WNT5B: variants seen among roughly 807,000 people sequenced by gnomAD.
WNT5B encodes the protein Wnt family member 5B.
A neutral mutation model predicts 36.5 loss-of-function variants in WNT5B; 18 were observed. That is an observed-to-expected ratio of 0.49 (90% CI 0.34 to 0.73). The LOEUF (loss-of-function observed/expected upper bound fraction) is 0.73, where lower values mean the gene tolerates loss of function less well. Ranked by LOEUF, WNT5B falls within the 30% of genes least tolerant of loss-of-function variation. The pLI, the probability that WNT5B is intolerant of heterozygous loss-of-function variation, is 0.01. For missense variants in WNT5B, 424 were observed against 508.4 expected (o/e 0.83, Z 1.60); for synonymous variants, 213 against 212.3 (o/e 1.00, Z -0.03).
intron 4 of WNT5B, among the ~76,000 whole-genome samples, chr12:1,640,866 G>A (rs906584832): frequency 6.6e-6 from 1 of 152,232 alleles, no homozygotes; most frequent in Non-Finnish European, 1.5e-5. Flanking sequence ...TGCATAGCCA[G>A]TGTTGACAGG....
At position 1,634,329 on chromosome 12, in the gene WNT5B, G is replaced by A. The variant is rs145075035; in HGVS notation, c.328+1424G>A. On this transcript the variant is annotated intron_variant, in intron 3 of 4. Coordinates refer to ENST00000397196, the MANE Select transcript of WNT5B (RefSeq NM_032642.3). ...GCGTTTTGGGCAATGAAACTAGGAC[G>A]GCCCAGGTGCAGAGTCTCCTCTAAT... is the stretch of plus-strand genomic sequence containing the variant. 1.3e-3 allele frequency among the ~76,000 whole-genome samples: 194 copies of A among 152,294 alleles called. 1 individual carries two copies. Among genetic ancestry groups the A allele is most frequent in the African/African-American group, 4.5e-3 (186 of 41,552 alleles).
At chr12:1,638,620 G>A (rs1301137927) in intron 3 of WNT5B, among the ~76,000 whole-genome samples, 1 of 152,164 alleles carries the variant, frequency 6.6e-6, no homozygotes, top group Non-Finnish European at 1.5e-5. Context: ...TGAATGTTGA[G>A]GTGGTTCACC....
In WNT5B at chr12:1,618,843, C is replaced by T. The variant is rs2154439183; in HGVS notation, c.-58+1700C>T. Among the ~76,000 whole-genome samples, 1 of 152,250 alleles carries T rather than the reference C, an allele frequency of 6.6e-6. No homozygotes were observed. Among genetic ancestry groups the T allele is most frequent in the Non-Finnish European group, 1.5e-5 (1 of 68,016 alleles). On this transcript the variant is annotated intron_variant, in intron 1 of 4. Coordinates refer to the WNT5B transcript ENST00000310594. The surrounding 1 kb of genome is among the most constrained non-coding windows in gnomAD (Gnocchi z 4.1). ...TTATTCTCACAGTGCATGAGTTGGT[C>T]ACTTTCACACTGCTCCAGGCACCAG...
intron 3 of WNT5B, among the ~76,000 whole-genome samples, chr12:1,637,287 A>G (rs6489307): frequency 0.99 from 151,437 of 152,346 alleles, 75,269 homozygotes; most frequent in African/African-American, 1. Flanking sequence ...TCCTATGTCC[A>G]TTTTTGTGTG....
chr12:1,639,613 G>T lies in WNT5B; in HGVS notation c.329-71G>T, dbSNP rs940005006. The T allele has an allele frequency of 7.0e-6, 10 of 1,423,410 alleles. No homozygotes were observed. The African/African-American group carries it at 1.5e-4, about 21-fold the overall frequency. The allele number at this position is 1,423,410 out of a possible 1,614,324, so 88.2% of individuals were successfully genotyped here. On this transcript the variant is annotated intron_variant, in intron 3 of 4. Transcript: ENST00000397196. ...GCCGTGGCGTGCGGGTCCGTCGGGG[G>T]AGACGGGGGGAAGGACAGGTCCCCG...
intron 3 of WNT5B, among the ~76,000 whole-genome samples, chr12:1,636,632 C>T (rs2094562297): frequency 6.7e-6 from 1 of 150,116 alleles, no homozygotes; most frequent in South Asian, 2.1e-4. Context: ...CCTCCAACTC[C>T]TGGGCTTAAA....
At chr12:1,621,677 G>T (rs964056505) in intron 1 of WNT5B, among the ~76,000 whole-genome samples, 1 of 151,340 alleles carries the variant, frequency 6.6e-6, no homozygotes, top group Admixed American at 6.6e-5. Context: ...AAGTAGCTAG[G>T]ATTACAGACA....
chr12:1,628,330 A>G (rs1409745531), upstream of WNT5B, among the ~76,000 whole-genome samples: 1 of 151,902 alleles, frequency 6.6e-6, no homozygotes, highest in Non-Finnish European at 1.5e-5. Flanking sequence ...TAATTTTTAT[A>G]CTTTTTTATT....
At chr12:1,619,095 T>C (rs1035845518) in intron 1 of WNT5B, among the ~76,000 whole-genome samples, 1 of 151,398 alleles carries the variant, frequency 6.6e-6, no homozygotes, top group African/African-American at 2.4e-5. Flanking sequence ...TCATCACTCC[T>C]ACCAAGCCCC....
intron 4 of WNT5B, among the ~76,000 whole-genome samples, chr12:1,643,547 G>A (rs1239562820): frequency 3.3e-5 from 5 of 151,984 alleles, no homozygotes. Flanking sequence ...TGCATTTTTA[G>A]TAGAGACGGG....
Position 1,632,590 on chromosome 12 carries a change from T to G in WNT5B, c.81-68T>G. ...TCAATAAATGTGTTGAATGAATGAC[T>G]TAATGCTGCACACAGGCGTATGCTC... On this transcript the variant is annotated intron_variant, in intron 2 of 4. Transcript: ENST00000397196. The surrounding 1 kb of genome is among the most constrained non-coding windows in gnomAD (Gnocchi z 5.8). 1 of 1,525,866 alleles carries G rather than the reference T, an allele frequency of 6.6e-7. No individual in the cohort carries two copies. The allele number at this position is 1,525,866 out of a possible 1,614,324, so 94.5% of individuals were successfully genotyped here. A position where few individuals can be genotyped will look rare whatever the true frequency, so the allele number is the denominator to read the frequency against.
chr12:1,625,213 G>T (rs998425320), upstream of WNT5B, among the ~76,000 whole-genome samples: 2 of 152,104 alleles, frequency 1.3e-5, no homozygotes, highest in African/African-American at 4.8e-5. Flanking sequence ...TCAAATAGGG[G>T]AATATTATGA....
Position 1,639,692 on chromosome 12 carries a change from G to A in WNT5B, c.337G>A (p.Glu113Lys). ...FGRVMQIGSRETAFTHAVSAA... is the reference protein window; with the variant it reads ...FGRVMQIGSRKTAFTHAVSAA... ...CTGGCCTCATTCTGCAGGCAGCCGAGAGACCGCCTTCACCCACGCGGTGAG... is the reference window on the plus strand; with the variant it reads ...CTGGCCTCATTCTGCAGGCAGCCGAAAGACCGCCTTCACCCACGCGGTGAG... Residue 113 changes from glutamate to lysine, a missense_variant, in exon 4 of 5, where the codon GAG becomes AAG. Physicochemically the swap from Glu to Lys is moderately conservative, Grantham distance 56. Transcript: ENST00000397196. The A allele has an allele frequency of 6.4e-7, 1 of 1,562,552 alleles. No individual in the cohort carries two copies. The highest frequency in any genetic ancestry group is 8.6e-7 in the Non-Finnish European group (1 of 1,161,110).
chr12:1,625,360 C>T (rs2094539608), upstream of WNT5B, among the ~76,000 whole-genome samples: 1 of 152,112 alleles, frequency 6.6e-6, no homozygotes, highest in Non-Finnish European at 1.5e-5. Flanking sequence ...ATGAGTGAAC[C>T]TGATGTACAT....
rs540961909 is a variant in WNT5B at position 1,642,996 on chromosome 12, A to G, written c.622-2798A>G. ...TCACTGCTTGCCTCCTCACACCTAC[A>G]CACAAAGTTCTCCAGCAAGGACTGA... On this transcript the variant is annotated intron_variant, in intron 4 of 4. Coordinates refer to ENST00000397196, the MANE Select transcript of WNT5B (RefSeq NM_032642.3). 2.0e-5 allele frequency among the ~76,000 whole-genome samples: 3 copies of G among 152,320 alleles called. No homozygotes were observed. In the East Asian group the frequency reaches 5.8e-4, roughly 29 times the overall value.
chr12:1,645,563 G>C (rs1426507561), intron 4 of WNT5B, among the ~76,000 whole-genome samples: 2 of 152,220 alleles, frequency 1.3e-5, no homozygotes, highest in Admixed American at 1.3e-4. Context: ...CCTCCCGGCT[G>C]ATGGGGACAA....
upstream of WNT5B, among the ~76,000 whole-genome samples, chr12:1,624,816 G>C (rs1032536627): frequency 1.5e-4 from 23 of 152,104 alleles, no homozygotes; most frequent in Admixed American, 1.2e-3. Flanking sequence ...TACTTCACCT[G>C]AGAAACAGCC....
chr12:1,618,225 C>T lies in WNT5B; in HGVS notation c.-58+1082C>T, dbSNP rs113045945. 5.6e-4 allele frequency among the ~76,000 whole-genome samples: 85 copies of T among 152,280 alleles called. No individual in the cohort carries two copies. The highest frequency in any genetic ancestry group is 1.9e-3 in the African/African-American group (80 of 41,550). On this transcript the variant is annotated intron_variant, in intron 1 of 4. Coordinates refer to the WNT5B transcript ENST00000310594. This position sits in a 1 kb window ranked among gnomAD's most constrained non-coding sequence, Gnocchi z 4.1. ...GGTTTCCCCAGGTCCTTTAAAAATA[C>T]GCTCCATTTTGCAAACACAGTAGTA...
At position 1,632,817 on chromosome 12, in the gene WNT5B, C is replaced by T. The variant is rs2094553438; in HGVS notation, c.240C>T (p.Ile80=). 2 of 1,614,168 alleles carry T rather than the reference C, an allele frequency of 1.2e-6. No homozygotes were observed. Among genetic ancestry groups the T allele is most frequent in the East Asian group, 4.5e-5 (2 of 44,884 alleles). The change falls in exon 3 of 5, where the codon ATC becomes ATT. Residue 80 remains isoleucine (I), a synonymous_variant. Transcript: ENST00000397196. The surrounding 1 kb of genome is among the most constrained non-coding windows in gnomAD (Gnocchi z 5.8). ...TAGGGGAGGGAGCCAAGACTGGCAT[C>T]AAGGAATGCCAGCACCAGTTCCGGC... ...AYIGEGAKTG[I]KECQHQFRQR... is the part of the protein sequence containing the mutation.
Sources: gnomAD v4.1 joint callset for allele counts (sites outside exome capture counted in the v4.1 genomes callset) on GRCh38, gnomAD v4.1.1 for gene constraint, Gnocchi (gnomAD v3.1) non-coding constraint, MANE v1.5 for transcripts, NCBI Gene and HGNC (gene_info 2026-07-23, HGNC 2026-07-21) for gene names.